The following EPB41L4B variants were observed in gnomAD, a reference collection of about 807,000 sequenced individuals.
EPB41L4B encodes the protein erythrocyte membrane protein band 4.1 like 4B.
A neutral mutation model predicts 112.5 loss-of-function variants in EPB41L4B; 30 were observed. That is an observed-to-expected ratio of 0.27 (90% CI 0.20 to 0.36). The LOEUF is 0.36. EPB41L4B is among the 10% of genes least tolerant of loss of function. The pLI, the probability that EPB41L4B is intolerant of heterozygous loss-of-function variation, is 1.00. For missense variants in EPB41L4B, 1,024 were observed against 1,133.3 expected, an observed-to-expected ratio of 0.90 and a Z score of 1.38; for synonymous variants, 408 against 439.7, an observed-to-expected ratio of 0.93 and a Z score of 0.90.
intron 25 of EPB41L4B, among the ~76,000 whole-genome samples, chr9:109,175,845 G>A (rs10119402): frequency 2.6e-5 from 4 of 152,004 alleles, no homozygotes; most frequent in Non-Finnish European, 5.9e-5. Flanking sequence ...TTAAACTTCC[G>A]TAACCATGTC....
Position 109,256,019 on chromosome 9 carries a change from C to CG in EPB41L4B, c.929+116dup, listed in dbSNP as rs1239580325. 2.6e-6 allele frequency: 3 copies of CG among 1,145,246 alleles called. No homozygotes were observed. In the East Asian group the frequency reaches 7.0e-5, roughly 27 times the overall value. 70.9% of individuals were successfully genotyped at this position (1,145,246 alleles called of 1,614,324 possible). On this transcript the variant is annotated intron_variant, in intron 9 of 25. Transcript: ENST00000374566. ...TGCCACAGACCCACAACAGCAGCAC[C>CG]GTGTGCTCTGAGGATGAATCTGGGT...
chr9:109,263,670 T>C (rs1259114791), intron 5 of EPB41L4B, among the ~76,000 whole-genome samples: 1 of 152,234 alleles, frequency 6.6e-6, no homozygotes, highest in Non-Finnish European at 1.5e-5. Context: ...AAAACAATAA[T>C]GACATACATT....
chr9:109,276,200 CACAA>C (rs1835817690), intron 2 of EPB41L4B, among the ~76,000 whole-genome samples: 1 of 107,166 alleles, frequency 9.3e-6, no homozygotes, highest in Non-Finnish European at 1.9e-5. Flanking sequence ...CACACACACA[CACAA>C]ATAACAAACC....
In EPB41L4B at chr9:109,174,596, C is replaced by T; in HGVS notation, c.2661G>A (p.Glu887=). ...ACAGTCTTTTCATCATCTTCTCTCT[C>T]TCCAGTTCCTGCCGGAGTGTCTCTG... ...ASAETLRQEL[E]REKMMKRLLM... The change falls in exon 26 of 26, where the codon GAG becomes GAA. Residue 887 remains glutamate, a synonymous_variant. Coordinates refer to ENST00000374566, the MANE Select transcript of EPB41L4B (RefSeq NM_019114.5). 1 of 1,614,148 alleles carries T rather than the reference C, an allele frequency of 6.2e-7. No homozygotes were observed. The highest frequency in any genetic ancestry group is 8.5e-7 in the Non-Finnish European group (1 of 1,179,988).
chr9:109,263,908 GC>G (rs1835306217), intron 5 of EPB41L4B, among the ~76,000 whole-genome samples: 2 of 152,140 alleles, frequency 1.3e-5, no homozygotes, highest in African/African-American at 4.8e-5. Context: ...TACAAAGCAG[GC>G]TAAACTGCAT....
intron 14 of EPB41L4B, among the ~76,000 whole-genome samples, 190 bp downstream of exon 14, chr9:109,247,566 C>A (rs1834606803): frequency 6.6e-6 from 1 of 152,022 alleles, no homozygotes; most frequent in African/African-American, 2.4e-5. Flanking sequence ...TGGCAGGGGT[C>A]AGAAGGAAAG....
At chr9:109,315,010 C>G (rs1267578016) in intron 1 of EPB41L4B, among the ~76,000 whole-genome samples, 1 of 152,152 alleles carries the variant, frequency 6.6e-6, no homozygotes, top group Admixed American at 6.5e-5. Flanking sequence ...TACCGTTGCC[C>G]CCTTCTCCTA....
intron 15 of EPB41L4B, chr9:109,241,550 A>G (rs1834353267): frequency 6.5e-7 from 1 of 1,532,272 alleles, no homozygotes; most frequent in African/African-American, 1.4e-5. Flanking sequence ...ACCTTTCAGG[A>G]CTACTCCTTA....
chr9:109,276,578 A>G (rs892269654), intron 2 of EPB41L4B, among the ~76,000 whole-genome samples: 5 of 152,158 alleles, frequency 3.3e-5, no homozygotes, highest in Non-Finnish European at 5.9e-5. Context: ...AAATTTGTAG[A>G]GTTGGATGCT....
At chr9:109,315,856 C>T (rs1482359025) in intron 1 of EPB41L4B, among the ~76,000 whole-genome samples, 2 of 152,074 alleles carry the variant, frequency 1.3e-5, no homozygotes, top group African/African-American at 4.8e-5. Flanking sequence ...TTTTAAAAAG[C>T]ATTTCTCATA....
intron 22 of EPB41L4B, among the ~76,000 whole-genome samples, chr9:109,187,544 AC>A (rs971198451): frequency 6.6e-6 from 1 of 151,970 alleles, no homozygotes; most frequent in African/African-American, 2.4e-5. Context: ...CTCTCTATGG[AC>A]CTCAGGGTAT....
intron 1 of EPB41L4B, among the ~76,000 whole-genome samples, chr9:109,314,601 C>T (rs956487330): frequency 3.3e-5 from 5 of 150,676 alleles, no homozygotes; most frequent in African/African-American, 4.9e-5. Flanking sequence ...TCACGACACC[C>T]CCTTTGGGAA....
chr9:109,290,710 C>CATATATATATAT (rs138734040), intron 1 of EPB41L4B, among the ~76,000 whole-genome samples: 9 of 145,962 alleles, frequency 6.2e-5, no homozygotes, highest in African/African-American at 2.3e-4. Context: ...GGAAACTAGC[C>CATATATATATAT]ATATATATAT....
At chr9:109,242,546 G>A (rs902707472) in intron 15 of EPB41L4B, among the ~76,000 whole-genome samples, 4 of 152,212 alleles carry the variant, frequency 2.6e-5, no homozygotes, top group Non-Finnish European at 4.4e-5. Flanking sequence ...GTAAGATTTA[G>A]AATTATTACT....
Position 109,268,411 on chromosome 9 carries a change from G to A in EPB41L4B, c.434C>T (p.Pro145Leu). 2 of 1,609,728 alleles carry A rather than the reference G, an allele frequency of 1.2e-6. No individual in the cohort carries two copies. Among genetic ancestry groups the A allele is most frequent in the Non-Finnish European group, 1.7e-6 (2 of 1,179,010 alleles). Residue 145 changes from proline (P) to leucine (L), a missense_variant, in exon 3 of 26, where the codon CCC becomes CTC. Physicochemically the swap from Pro to Leu is moderately conservative, Grantham distance 98. Transcript: ENST00000374566. Reference sequence around the variant, plus strand: ...CTTACTTTTCATCTGCTTTTTTATGGGTTTGGCATGATCCAGCCAGTGCTG... The same window carrying A: ...CTTACTTTTCATCTGCTTTTTTATGAGTTTGGCATGATCCAGCCAGTGCTG... ...QVAHWLDHAKPIKKQMKIGPA... is the reference protein window; with the variant it reads ...QVAHWLDHAKLIKKQMKIGPA...
At chr9:109,251,454 T>G (rs751162549) in intron 13 of EPB41L4B, 27 bp downstream of exon 13, 1 of 1,602,160 alleles carries the variant, frequency 6.2e-7, no homozygotes, top group Non-Finnish European at 8.6e-7. Flanking sequence ...AGAGGAGAGC[T>G]GTGCTCTAGA....
chr9:109,241,412 A>C (rs965733525), intron 15 of EPB41L4B: 4 of 1,237,082 alleles, frequency 3.2e-6, no homozygotes, highest in Non-Finnish European at 3.0e-6. Context: ...TTTGACTCCA[A>C]TTTTAAAATC....
chr9:109,251,994 G>GA (rs981558918), intron 12 of EPB41L4B, among the ~76,000 whole-genome samples: 1 of 152,200 alleles, frequency 6.6e-6, no homozygotes. Flanking sequence ...ATGTGGCAGG[G>GA]AAAATCATTA....
chr9:109,282,317 G>A (rs1836096978), intron 1 of EPB41L4B, among the ~76,000 whole-genome samples: 1 of 152,184 alleles, frequency 6.6e-6, no homozygotes, highest in Admixed American at 6.5e-5. Flanking sequence ...TTCTAAAATT[G>A]CTTGTGGTGA....
Sources: gnomAD v4.1 joint callset for allele counts (sites outside exome capture counted in the v4.1 genomes callset) on GRCh38, gnomAD v4.1.1 for gene constraint, MANE v1.5 for transcripts, NCBI Gene and HGNC (gene_info 2026-07-23, HGNC 2026-07-21) for gene names.